The following RER1 variants were observed in gnomAD, a reference collection of about 807,000 sequenced individuals.
RER1 encodes the protein protein RER1.
Under a neutral mutation model 28.3 loss-of-function variants are expected in RER1, and 6 were observed. The observed-to-expected ratio is 0.21, with a 90% CI of 0.12 to 0.42. The LOEUF (loss-of-function observed/expected upper bound fraction) is 0.42. Ranked by LOEUF, RER1 falls within the 10% of genes least tolerant of loss-of-function variation. The pLI, the probability that RER1 is intolerant of heterozygous loss-of-function variation, is 1.00. For synonymous variants in RER1, 110 were observed against 95.9 expected (o/e 1.15, Z -0.86); for missense variants, 159 against 252.9 (o/e 0.63, Z 2.52).
rs200610722 is a variant in RER1 at position 2,405,246 on chromosome 1, C to T, written c.*2122C>T. The stretch of plus-strand genomic sequence containing the variant: ...TCCTGGGGGATGTGCTCTGCCCAGC[C>T]GCCCTCGGGGAGAGCAGCGCCGCCT... On this transcript the variant is annotated 3_prime_UTR_variant, in exon 7 of 7. Coordinates refer to ENST00000605895, the MANE Select transcript of RER1 (RefSeq NM_007033.5). The T allele has an allele frequency of 3.5e-5, 9 of 260,602 alleles. No homozygotes were observed. Among genetic ancestry groups the T allele is most frequent in the Admixed American group, 2.0e-4 (4 of 19,658 alleles). 16.1% of individuals were successfully genotyped at this position (260,602 alleles called of 1,614,324 possible). A position where few individuals can be genotyped will look rare whatever the true frequency, so the allele number is the denominator to read the frequency against.
At chr1:2,393,085 C>T in intron 1 of RER1, 1 of 1,716 alleles carries the variant, frequency 5.8e-4, no homozygotes. Context: ...TGATGGACCA[C>T]AGATGTGGAT....
chr1:2,401,392 TCC>T (rs1642859030), intron 5 of RER1, among the ~76,000 whole-genome samples: 1 of 26,556 alleles, frequency 3.8e-5, no homozygotes, highest in African/African-American at 2.1e-4. Flanking sequence ...TCCTCCCTCC[TCC>T]TCCCTCCTCC....
At chr1:2,398,283 A>T (rs931101581) in intron 3 of RER1, among the ~76,000 whole-genome samples, 1 of 152,184 alleles carries the variant, frequency 6.6e-6, no homozygotes, top group Non-Finnish European at 1.5e-5. Context: ...CCAGGGATGG[A>T]CACACAGACA....
In RER1 at chr1:2,399,520, G is replaced by A. The variant is rs201571696; in HGVS notation, c.286+6G>A. The A allele has an allele frequency of 1.9e-5, 30 of 1,580,004 alleles. No individual in the cohort carries two copies. The East Asian group carries it at 6.5e-4, about 34-fold the overall frequency. On this transcript the variant is annotated splice_donor_region_variant and intron_variant, in intron 4 of 6. Coordinates refer to ENST00000605895, the MANE Select transcript of RER1 (RefSeq NM_007033.5). ...TTCCTTAATGGAAGACTCAGGTAGG[G>A]TAGCGGCTGTGCACTGGGCTGTGTG...
At chr1:2,402,440 G>C in intron 6 of RER1, 98 bp downstream of exon 6, 1 of 1,504,442 alleles carries the variant, frequency 6.6e-7, no homozygotes, top group Non-Finnish European at 9.1e-7. Flanking sequence ...TGGTGGCAGA[G>C]TCTGCCTGGT....
intron 1 of RER1, chr1:2,394,331 G>C (rs986055422): frequency 6.6e-6 from 1 of 152,278 alleles, no homozygotes; most frequent in South Asian, 2.1e-4. Context: ...GGAGGGAGCT[G>C]CCTGGATCAC....
intron 2 of RER1, 93 bp downstream of exon 2, chr1:2,395,964 G>A (rs1318932386): frequency 1.0e-6 from 1 of 991,888 alleles, no homozygotes; most frequent in African/African-American, 1.6e-5. Flanking sequence ...TGGTGTTCCT[G>A]ATGGAGAAGT....
chr1:2,395,522 C>T (rs1642756653), intron 1 of RER1: 10 of 466,014 alleles, frequency 2.1e-5, no homozygotes, highest in Non-Finnish European at 4.0e-5. Context: ...GTCCCGCCCA[C>T]GCAGGTGACT....
chr1:2,399,386 A>C, intron 3 of RER1, 29 bp from the exon 4 acceptor site: 5 of 1,447,364 alleles, frequency 3.5e-6, no homozygotes, highest in Non-Finnish European at 4.9e-6. Context: ...GTCAGAGTGC[A>C]CCACTGACTC....
intron 4 of RER1, 65 bp from the exon 5 acceptor site, chr1:2,400,792 G>A: frequency 7.5e-7 from 1 of 1,332,150 alleles, no homozygotes; most frequent in African/African-American, 1.4e-5. Context: ...GCCTTGAGGG[G>A]AAAAGGTAGA....
At chr1:2,392,606 A>AGTGGGCTTT (rs1295932632) in intron 1 of RER1, among the ~76,000 whole-genome samples, 1 of 152,240 alleles carries the variant, frequency 6.6e-6, no homozygotes, top group African/African-American at 2.4e-5. Context: ...AAGTACCTTC[A>AGTGGGCTTT]GTGGGCTTTT....
Position 2,402,360 on chromosome 1 carries a change from C to G in RER1, c.501+18C>G. 6.2e-7 allele frequency: 1 copy of G among 1,613,762 alleles called. No homozygotes were observed. The highest frequency in any genetic ancestry group is 8.5e-7 in the Non-Finnish European group (1 of 1,179,774). On this transcript the variant is annotated intron_variant, in intron 6 of 6. Coordinates refer to ENST00000605895, the MANE Select transcript of RER1 (RefSeq NM_007033.5). Reference sequence around the variant, plus strand: ...AAATCAAGGTAAAGCAGAGGCGCTGCCGCCACGCCGGCCGCAATCGCTGTT... The same window carrying G: ...AAATCAAGGTAAAGCAGAGGCGCTGGCGCCACGCCGGCCGCAATCGCTGTT...
rs1174484256 is a variant in RER1 at position 2,404,056 on chromosome 1, C to T, written c.*932C>T. ...CAGGAAAGCCCACCTTTTGTTTGGC[C>T]TTTTCGAAAGGTGACCCATATTGCA... On this transcript the variant is annotated 3_prime_UTR_variant, in exon 7 of 7. Transcript: ENST00000605895. The T allele has an allele frequency of 1.3e-5, 2 of 152,222 alleles. No homozygotes were observed. The highest frequency in any genetic ancestry group is 2.9e-5 in the Non-Finnish European group (2 of 68,042). 9.4% of individuals were successfully genotyped at this position (152,222 alleles called of 1,614,324 possible).
intron 5 of RER1, among the ~76,000 whole-genome samples, chr1:2,401,306 G>C (rs1267376758): frequency 1.2e-4 from 2 of 16,102 alleles, no homozygotes; most frequent in African/African-American, 4.4e-4. Context: ...CCTTCCTGCC[G>C]CCTCCTCCCT....
chr1:2,402,076 G>A, intron 5 of RER1, 131 bp from the exon 6 acceptor site: 1 of 1,598,760 alleles, frequency 6.3e-7, no homozygotes, highest in Non-Finnish European at 8.5e-7. Flanking sequence ...TGTGCCCAGG[G>A]TAGACCCCTC....
chr1:2,400,578 G>A (rs1642831523), intron 4 of RER1, among the ~76,000 whole-genome samples: 1 of 152,224 alleles, frequency 6.6e-6, no homozygotes, highest in Non-Finnish European at 1.5e-5. Context: ...CCTTTACGTG[G>A]TGCAGCTGAC....
intron 4 of RER1, among the ~76,000 whole-genome samples, chr1:2,400,184 A>G (rs191015634): frequency 1.7e-3 from 262 of 152,330 alleles, no homozygotes; most frequent in African/African-American, 5.9e-3. Context: ...ACCCACACGC[A>G]GCTCCCTGCC....
intron 2 of RER1, among the ~76,000 whole-genome samples, chr1:2,396,676 G>C (rs887259578): frequency 1.1e-4 from 16 of 152,276 alleles, no homozygotes; most frequent in Non-Finnish European, 1.8e-4. Flanking sequence ...CTGGGGCTCA[G>C]GCTGTGGCCA....
intron 4 of RER1, among the ~76,000 whole-genome samples, chr1:2,400,017 G>A (rs894287737): frequency 2.6e-5 from 4 of 152,246 alleles, no homozygotes; most frequent in Non-Finnish European, 5.9e-5. Context: ...GCTGTGAGCT[G>A]AAGTGTTCCT....
Sources: gnomAD v4.1 joint callset for allele counts (sites outside exome capture counted in the v4.1 genomes callset) on GRCh38, gnomAD v4.1.1 for gene constraint, MANE v1.5 for transcripts, NCBI Gene and HGNC (gene_info 2026-07-23, HGNC 2026-07-21) for gene names.